OR51B4: variants seen among roughly 807,000 people sequenced by gnomAD.
OR51B4 encodes olfactory receptor family 51 subfamily B member 4, also known as olfactory receptor 51B4.
For synonymous variants in OR51B4, 147 were observed against 140.8 expected (o/e 1.04, Z -0.31); for missense variants, 402 against 379.8 (o/e 1.06, Z -0.49).
chr11:5,301,641 A>C lies in OR51B4; in HGVS notation c.306T>G (p.His102Gln). The C allele has an allele frequency of 6.2e-7, 1 of 1,614,214 alleles. No homozygotes were observed. Among genetic ancestry groups the C allele is most frequent in the South Asian group, 1.1e-5 (1 of 91,084 alleles). The part of the protein sequence containing the change: ...HAACFTQSFI[H>Q]SLAIVESGIL... ...TACCTGATTCTACAATGGCCAGTGAATGAATGAAGGATTGGGTGAAACAGG... is the reference window on the plus strand; with the variant it reads ...TACCTGATTCTACAATGGCCAGTGACTGAATGAAGGATTGGGTGAAACAGG... Residue 102 changes from histidine to glutamine, a missense_variant, in exon 1 of 1, where the codon CAT becomes CAG. Coordinates refer to ENST00000380224, the MANE Select transcript of OR51B4 (RefSeq NM_033179.2).
Position 5,301,872 on chromosome 11 carries a change from G to A in OR51B4, c.75C>T (p.Ile25=). Residue 25 remains isoleucine (I), a synonymous_variant, in exon 1 of 1, where the codon ATC becomes ATT. Coordinates refer to ENST00000380224, the MANE Select transcript of OR51B4 (RefSeq NM_033179.2). ...AGTAGATGACAAAGAAGGACATAGA[G>A]ATCCGGTAGTGAACTGCCTCTGAGC... ...FLGSEAVHYR[I]SMSFFVIYFS... 1 of 1,612,024 alleles carries A rather than the reference G, an allele frequency of 6.2e-7. No homozygotes were observed. Among genetic ancestry groups the A allele is most frequent in the Non-Finnish European group, 8.5e-7 (1 of 1,178,978 alleles).
chr11:5,301,597 T>C lies in OR51B4; in HGVS notation c.350A>G (p.Tyr117Cys), dbSNP rs1466491709. The change falls in exon 1 of 1, where the codon TAT becomes TGT. Residue 117 changes from tyrosine to cysteine, a missense_variant. Physicochemically the swap from Tyr to Cys is radical, Grantham distance 194. Transcript: ENST00000380224. ...VESGILLVLAYDCFIAIRTPL... is the reference protein window; with the variant it reads ...VESGILLVLACDCFIAIRTPL... ...TGTGCGGATGGCAATGAAACAGTCA[T>C]AGGCCAAAACAAGCAAGATACCTGA... 9 of 1,613,986 alleles carry C rather than the reference T, an allele frequency of 5.6e-6. No homozygotes were observed. The highest frequency in any genetic ancestry group is 1.1e-5 in the South Asian group (1 of 91,076).
In OR51B4 at chr11:5,301,626, T is replaced by G. The variant is rs202046071; in HGVS notation, c.321A>C (p.Val107=). ...CCAAAACAAGCAAGATACCTGATTCTACAATGGCCAGTGAATGAATGAAGG... is the reference window on the plus strand; with the variant it reads ...CCAAAACAAGCAAGATACCTGATTCGACAATGGCCAGTGAATGAATGAAGG... ...TQSFIHSLAI[V]ESGILLVLAY... The change falls in exon 1 of 1, where the codon GTA becomes GTC. Residue 107 remains valine, a synonymous_variant. Coordinates refer to ENST00000380224, the MANE Select transcript of OR51B4 (RefSeq NM_033179.2). 6.2e-7 allele frequency: 1 copy of G among 1,614,192 alleles called. No homozygotes were observed. Among genetic ancestry groups the G allele is most frequent in the Non-Finnish European group, 8.5e-7 (1 of 1,180,030 alleles).
Position 5,301,584 on chromosome 11 carries a change from A to T in OR51B4, c.363T>A (p.Ile121=), listed in dbSNP as rs529952284. 6.8e-6 allele frequency: 11 copies of T among 1,614,184 alleles called. No homozygotes were observed. In the African/African-American group the frequency reaches 1.5e-4, roughly 22 times the overall value. ...ILLVLAYDCF[I]AIRTPLRYNC... is the part of the protein sequence containing the mutation. The stretch of plus-strand genomic sequence containing the variant: ...TGTACCTCAGTGGTGTGCGGATGGC[A>T]ATGAAACAGTCATAGGCCAAAACAA... The change falls in exon 1 of 1, where the codon ATT becomes ATA. Residue 121 remains isoleucine (I), a synonymous_variant. Transcript: ENST00000380224.
rs758060947 is a variant in OR51B4 at position 5,301,404 on chromosome 11, G to C, written c.543C>G (p.Val181=). Residue 181 remains valine (V), a synonymous_variant, in exon 1 of 1, where the codon GTC becomes GTG. Transcript: ENST00000380224. ...TGATATCAGCACAGGCGAGTTTTATGACATCTTGATGGAGGCAAAATGTGT... is the reference window on the plus strand; with the variant it reads ...TGATATCAGCACAGGCGAGTTTTATCACATCTTGATGGAGGCAAAATGTGT... The part of the protein sequence containing the change: ...LLHTFCLHQD[V]IKLACADITF... 1 of 1,614,146 alleles carries C rather than the reference G, an allele frequency of 6.2e-7. No individual in the cohort carries two copies. The highest frequency in any genetic ancestry group is 8.5e-7 in the Non-Finnish European group (1 of 1,180,020).
In OR51B4 at chr11:5,301,714, G is replaced by A; in HGVS notation, c.233C>T (p.Thr78Ile). 6.2e-7 allele frequency: 1 copy of A among 1,614,166 alleles called. No homozygotes were observed. The highest frequency in any genetic ancestry group is 1.1e-5 in the South Asian group (1 of 91,084). The part of the protein sequence containing the change: ...DLGMTFTTMP[T>I]VLGVLLLDQR... Reference sequence around the variant, plus strand: ...GTCTAGCAGCAGGACACCCAGGACTGTGGGCATTGTAGTGAATGTCATCCC... The same window carrying A: ...GTCTAGCAGCAGGACACCCAGGACTATGGGCATTGTAGTGAATGTCATCCC... The change falls in exon 1 of 1, where the codon ACA (threonine) becomes ATA (isoleucine). Residue 78 changes from threonine to isoleucine, a missense_variant. By Grantham distance (89) the Thr-to-Ile change is moderately conservative. Coordinates refer to ENST00000380224, the MANE Select transcript of OR51B4 (RefSeq NM_033179.2).
rs61739194 is a variant in OR51B4 at position 5,301,931 on chromosome 11, T to C, written c.16A>G (p.Ser6Gly). 8.7e-3 allele frequency: 13,747 copies of C among 1,578,722 alleles called. 858 individuals carry two copies. The African/African-American group carries it at 0.15, about 17-fold the overall frequency. ...CCAGTCAGCAAGAAGGGGCCAGCAC[T>C]GTTGTTATACCACATGGTAGGTTTT... MWYNN[S>G]AGPFLLTGFL... Residue 6 changes from serine to glycine, a missense_variant, in exon 1 of 1, where the codon AGT (serine) becomes GGT (glycine). By Grantham distance (56) the Ser-to-Gly change is moderately conservative. Coordinates refer to ENST00000380224, the MANE Select transcript of OR51B4 (RefSeq NM_033179.2).
chr11:5,301,261 T>G lies in OR51B4; in HGVS notation c.686A>C (p.Gln229Pro). The G allele has an allele frequency of 6.2e-7, 1 of 1,614,052 alleles. No individual in the cohort carries two copies. The highest frequency in any genetic ancestry group is 8.5e-7 in the Non-Finnish European group (1 of 1,179,984). Residue 229 changes from glutamine to proline, a missense_variant, in exon 1 of 1, where the codon CAA (glutamine) becomes CCA (proline). Transcript: ENST00000380224. ...LKTVMGIASG[Q>P]EEAKSLNTCV... Reference sequence around the variant, plus strand: ...AGTGTTGAGAGATTTAGCTTCCTCTTGTCCAGACGCAATGCCCATCACTGT... The same window carrying G: ...AGTGTTGAGAGATTTAGCTTCCTCTGGTCCAGACGCAATGCCCATCACTGT...
rs769027927 is a variant in OR51B4, at chr11:5,301,720, A to G, written c.227T>C (p.Met76Thr). ...DTDLGMTFTT[M>T]PTVLGVLLLD... ...CAGCAGGACACCCAGGACTGTGGGC[A>G]TTGTAGTGAATGTCATCCCAAGGTC... Residue 76 changes from methionine to threonine, a missense_variant, in exon 1 of 1, where the codon ATG becomes ACG. Physicochemically the swap from Met to Thr is moderately conservative, Grantham distance 81. Transcript: ENST00000380224. The G allele has an allele frequency of 6.2e-6, 10 of 1,614,020 alleles. No homozygotes were observed. The East Asian group carries it at 2.2e-4, about 36-fold the overall frequency.
Position 5,301,234 on chromosome 11 carries a change from C to A in OR51B4, c.713G>T (p.Cys238Phe), listed in dbSNP as rs779011051. 6 of 1,613,898 alleles carry A rather than the reference C, an allele frequency of 3.7e-6. No homozygotes were observed. The Admixed American group carries it at 1.0e-4, about 27-fold the overall frequency. ...GQEEAKSLNT[C>F]VSHISCVLVF... The stretch of plus-strand genomic sequence containing the variant: ...TAGGACACAGCTAATATGGGAGACA[C>A]AAGTGTTGAGAGATTTAGCTTCCTC... Residue 238 changes from cysteine (C) to phenylalanine (F), a missense_variant, in exon 1 of 1, where the codon TGT becomes TTT. Cys to Phe is a radical substitution (Grantham distance 205, BLOSUM62 -2). Coordinates refer to ENST00000380224, the MANE Select transcript of OR51B4 (RefSeq NM_033179.2).
rs1848498034 is a variant in OR51B4 at position 5,301,731 on chromosome 11, T to C, written c.216A>G (p.Thr72=). 1 of 1,614,084 alleles carries C rather than the reference T, an allele frequency of 6.2e-7. No individual in the cohort carries two copies. The highest frequency in any genetic ancestry group is 8.5e-7 in the Non-Finnish European group (1 of 1,179,980). ...AMLADTDLGM[T]FTTMPTVLGV... ...CCAGGACTGTGGGCATTGTAGTGAATGTCATCCCAAGGTCCGTGTCTGCCA... is the reference window on the plus strand; with the variant it reads ...CCAGGACTGTGGGCATTGTAGTGAACGTCATCCCAAGGTCCGTGTCTGCCA... Residue 72 remains threonine, a synonymous_variant, in exon 1 of 1, where the codon ACA becomes ACG. Transcript: ENST00000380224.
At position 5,301,016 on chromosome 11, in the gene OR51B4, A is replaced by G; in HGVS notation, c.931T>C (p.Ter311ArgextTer?). 2 of 1,572,930 alleles carry G rather than the reference A, an allele frequency of 1.3e-6. No individual in the cohort carries two copies. Among genetic ancestry groups the G allele is most frequent in the Non-Finnish European group, 1.7e-6 (2 of 1,160,134 alleles). Residue 311 changes from the stop codon to arginine (R), a stop_lost, in exon 1 of 1, where the codon TGA becomes CGA. Coordinates refer to ENST00000380224, the MANE Select transcript of OR51B4 (RefSeq NM_033179.2). ...TCTTGAGATTCTGAAATAAGGGCTC[A>G]AGCCCTACTCTGCCCAGAAAATAGG... ...IRLFSGQSRA[*>R] is the part of the protein sequence containing the mutation.
In OR51B4 at chr11:5,301,691, C is replaced by CT; in HGVS notation, c.255dup (p.Asp86ArgfsTer33). The CT allele has an allele frequency of 6.2e-7, 1 of 1,614,128 alleles. No homozygotes were observed. The highest frequency in any genetic ancestry group is 8.5e-7 in the Non-Finnish European group (1 of 1,180,024). ...GCAGCATGGGCAATCTCCCTCTGGT[C>CT]TAGCAGCAGGACACCCAGGACTGTG... On this transcript the variant is annotated frameshift_variant, in exon 1 of 1. Transcript: ENST00000380224. LOFTEE classifies it low-confidence loss of function (END_TRUNC).
In OR51B4 at chr11:5,301,923, G is replaced by A. The variant is rs1323573284; in HGVS notation, c.24C>T (p.Gly8=). ...CCAAGAAGCCAGTCAGCAAGAAGGGGCCAGCACTGTTGTTATACCACATGG... is the reference window on the plus strand; with the variant it reads ...CCAAGAAGCCAGTCAGCAAGAAGGGACCAGCACTGTTGTTATACCACATGG... MWYNNSA[G]PFLLTGFLGS... Residue 8 remains glycine (G), a synonymous_variant, in exon 1 of 1, where the codon GGC becomes GGT. Transcript: ENST00000380224. 1.3e-6 allele frequency: 2 copies of A among 1,590,180 alleles called. No homozygotes were observed. The highest frequency in any genetic ancestry group is 1.3e-5 in the African/African-American group (1 of 74,422).
chr11:5,301,182 C>T lies in OR51B4; in HGVS notation c.765G>A (p.Leu255=). Residue 255 remains leucine, a synonymous_variant, in exon 1 of 1, where the codon CTG becomes CTA. Transcript: ENST00000380224. ...VLVFHITVMG[L]SFIHRFGKHA... ...GTTTCCCAAACCTGTGAATGAATGA[C>T]AGTCCCATCACAGTGATGTGAAATA... is the stretch of plus-strand genomic sequence containing the variant. 1 of 1,614,002 alleles carries T rather than the reference C, an allele frequency of 6.2e-7. No individual in the cohort carries two copies. The highest frequency in any genetic ancestry group is 1.7e-5 in the Admixed American group (1 of 59,994).
At position 5,301,373 on chromosome 11, in the gene OR51B4, TA is replaced by T; in HGVS notation, c.573del (p.Phe191LeufsTer12). On this transcript the variant is annotated frameshift_variant, in exon 1 of 1. Transcript: ENST00000380224. LOFTEE classifies it low-confidence loss of function (END_TRUNC). ...GTCTGAATAATTGGATATATGTGATTAAACGTGATATCAGCACAGGCGAGTT... is the reference window on the plus strand; with the variant it reads ...GTCTGAATAATTGGATATATGTGATTAACGTGATATCAGCACAGGCGAGTT... ...VIKLACADITFNHIYPIIQTS... is the reference protein window; with the variant it reads ...VIKLACADITXNHIYPIIQTS... 5.6e-6 allele frequency: 9 copies of T among 1,614,024 alleles called. No individual in the cohort carries two copies. The Admixed American group carries it at 1.3e-4, about 24-fold the overall frequency.
Position 5,301,757 on chromosome 11 carries a change from G to C in OR51B4, c.190C>G (p.Leu64Val). The C allele has an allele frequency of 6.2e-7, 1 of 1,614,020 alleles. No homozygotes were observed. The highest frequency in any genetic ancestry group is 8.5e-7 in the Non-Finnish European group (1 of 1,179,958). ...GTCATCCCAAGGTCCGTGTCTGCCA[G>C]CATAGCCAGGAAGTAGTACATGGGC... ...HEPMYYFLAM[L>V]ADTDLGMTFT... Residue 64 changes from leucine (L) to valine (V), a missense_variant, in exon 1 of 1, where the codon CTG becomes GTG. Transcript: ENST00000380224.
At position 5,301,262 on chromosome 11, in the gene OR51B4, G is replaced by T. The variant is rs748751715; in HGVS notation, c.685C>A (p.Gln229Lys). The T allele has an allele frequency of 6.8e-6, 11 of 1,613,976 alleles. No individual in the cohort carries two copies. In the East Asian group the frequency reaches 1.6e-4, roughly 23 times the overall value. Residue 229 changes from glutamine (Q) to lysine (K), a missense_variant, in exon 1 of 1, where the codon CAA becomes AAA. Transcript: ENST00000380224. ...LKTVMGIASG[Q>K]EEAKSLNTCV... ...GTGTTGAGAGATTTAGCTTCCTCTT[G>T]TCCAGACGCAATGCCCATCACTGTC...
rs752942867 is a variant in OR51B4 at position 5,301,916 on chromosome 11, A to G, written c.31T>C (p.Leu11=). The change falls in exon 1 of 1, where the codon TTG becomes CTG. Residue 11 remains leucine, a synonymous_variant. Coordinates refer to ENST00000380224, the MANE Select transcript of OR51B4 (RefSeq NM_033179.2). MWYNNSAGPF[L]LTGFLGSEAV... ...TCTGAGCCCAAGAAGCCAGTCAGCAAGAAGGGGCCAGCACTGTTGTTATAC... is the reference window on the plus strand; with the variant it reads ...TCTGAGCCCAAGAAGCCAGTCAGCAGGAAGGGGCCAGCACTGTTGTTATAC... 4 of 1,595,864 alleles carry G rather than the reference A, an allele frequency of 2.5e-6. No homozygotes were observed. In the African/African-American group the frequency reaches 5.3e-5, roughly 21 times the overall value.
Sources: allele counts gnomAD v4.1 joint callset, GRCh38; gene constraint gnomAD v4.1.1; transcripts MANE v1.5; gene names NCBI Gene and HGNC (gene_info 2026-07-23, HGNC 2026-07-21).